The following ANKRD28 variants were observed in gnomAD, a reference collection of about 807,000 sequenced individuals.
ANKRD28 encodes ankyrin repeat domain 28.
In ANKRD28, 44 loss-of-function variants were observed where a neutral mutation model predicts 126.5. The ratio of observed to expected loss-of-function variants is 0.35; its 90% confidence interval spans 0.27 to 0.45. The LOEUF (loss-of-function observed/expected upper bound fraction) is 0.45. ANKRD28 is among the 20% of genes least tolerant of loss of function. The probability of loss-of-function intolerance (pLI) is 1.00; values close to 1 mark genes in which losing one functional copy is unlikely to be tolerated. For synonymous variants in ANKRD28, 442 were observed against 468.5 expected (o/e 0.94, Z 0.73); for missense variants, 1,110 against 1,316.6 (o/e 0.84, Z 2.43).
chr3:15,774,519 A>G (rs1449734073), intron 2 of ANKRD28, among the ~76,000 whole-genome samples: 1 of 152,212 alleles, frequency 6.6e-6, no homozygotes. Flanking sequence ...ACTACCTCAC[A>G]TTATATGTAT....
chr3:15,761,655 G>T (rs1390667192), intron 3 of ANKRD28, among the ~76,000 whole-genome samples: 1 of 152,052 alleles, frequency 6.6e-6, no homozygotes, highest in Non-Finnish European at 1.5e-5. Flanking sequence ...ATTTGGATAC[G>T]ATTAGTCTTT....
intron 14 of ANKRD28, among the ~76,000 whole-genome samples, chr3:15,704,161 G>A (rs1218792844): frequency 1.3e-5 from 2 of 151,954 alleles, no homozygotes; most frequent in Admixed American, 6.6e-5. Context: ...TGTTCATTGC[G>A]ATAGCAGCCA....
intron 2 of ANKRD28, among the ~76,000 whole-genome samples, chr3:15,784,758 T>C (rs1383266648): frequency 6.6e-6 from 1 of 152,040 alleles, no homozygotes; most frequent in Non-Finnish European, 1.5e-5. Flanking sequence ...ATATTGTCTG[T>C]AAAAAACCTT....
chr3:15,859,154 A>G (rs746149419), intron 1 of ANKRD28, among the ~76,000 whole-genome samples: 15 of 152,276 alleles, frequency 9.9e-5, no homozygotes, highest in Non-Finnish European at 2.1e-4. Context: ...TGCAGCGGCT[A>G]GACCCCCGTC....
intron 1 of ANKRD28, among the ~76,000 whole-genome samples, chr3:15,858,258 A>G (rs1436814757): frequency 2.0e-5 from 3 of 152,262 alleles, no homozygotes; most frequent in African/African-American, 7.2e-5. Context: ...TACAAGGTAT[A>G]AACTGTATTG....
At chr3:15,776,930 C>T (rs1245495433) in intron 2 of ANKRD28, among the ~76,000 whole-genome samples, 1 of 152,086 alleles carries the variant, frequency 6.6e-6, no homozygotes, top group Non-Finnish European at 1.5e-5. Context: ...ACAGTCGTTG[C>T]TTTTGTTGGT....
Position 15,690,116 on chromosome 3 carries a change from A to C in ANKRD28, c.1866T>G (p.Phe622Leu), listed in dbSNP as rs765318359. Reference protein sequence around the residue: ...SGRTPLDLAAFKGHVECVDVL... With the variant: ...SGRTPLDLAALKGHVECVDVL... ...CATCCACACATTCAACATGGCCCTTAAAAGCTGCAAGATCTAGGGGTGTTC... is the reference window on the plus strand; with the variant it reads ...CATCCACACATTCAACATGGCCCTTCAAAGCTGCAAGATCTAGGGGTGTTC... The change falls in exon 18 of 28, where the codon TTT becomes TTG. Residue 622 changes from phenylalanine to leucine, a missense_variant. Physicochemically the swap from Phe to Leu is conservative, Grantham distance 22 (BLOSUM62 0). Coordinates refer to ENST00000683139, the MANE Select transcript of ANKRD28 (RefSeq NM_001349278.2). 1 of 1,611,794 alleles carries C rather than the reference A, an allele frequency of 6.2e-7. No individual in the cohort carries two copies. The highest frequency in any genetic ancestry group is 8.5e-7 in the Non-Finnish European group (1 of 1,178,870).
Position 15,812,054 on chromosome 3 carries a change from G to A in ANKRD28, c.28-16748C>T, listed in dbSNP as rs2060724345. 1.3e-5 allele frequency among the ~76,000 whole-genome samples: 2 copies of A among 152,032 alleles called. No individual in the cohort carries two copies. The highest frequency in any genetic ancestry group is 4.8e-5 in the African/African-American group (2 of 41,418). On this transcript the variant is annotated intron_variant, in intron 1 of 27. Coordinates refer to the ANKRD28 transcript ENST00000399451. The surrounding 1 kb of genome is among the most constrained non-coding windows in gnomAD (Gnocchi z 4.1). Reference sequence around the variant, plus strand: ...TGTAGTCCCAGCTACTCAGGAGGCTGAGGTCGGAGAATCGCTTGAACCCAG... The same window carrying A: ...TGTAGTCCCAGCTACTCAGGAGGCTAAGGTCGGAGAATCGCTTGAACCCAG...
chr3:15,812,824 T>A lies in ANKRD28; in HGVS notation c.28-17518A>T, dbSNP rs150734430. ...TTAAAAGGTGATCATGGGTAGGTAA[T>A]CTAGACCCTCCTGAAAAGGCCAGGT... On this transcript the variant is annotated intron_variant, in intron 1 of 27. Transcript: ENST00000399451. The surrounding 1 kb of genome is among the most constrained non-coding windows in gnomAD (Gnocchi z 4.1). 1.3e-3 allele frequency among the ~76,000 whole-genome samples: 204 copies of A among 152,206 alleles called. 1 individual carries two copies. Among genetic ancestry groups the A allele is most frequent in the African/African-American group, 4.8e-3 (200 of 41,518 alleles).
At chr3:15,741,764 A>C (rs988394496) in intron 4 of ANKRD28, among the ~76,000 whole-genome samples, 3 of 132,392 alleles carry the variant, frequency 2.3e-5, no homozygotes, top group African/African-American at 8.7e-5. Context: ...GATTTGAAGG[A>C]AAGCACAGGA....
In ANKRD28 at chr3:15,685,313, G is replaced by T; in HGVS notation, c.2302C>A (p.Leu768Ile). ...ACGHIGVLGALLQSAASMDAN... is the reference protein window; with the variant it reads ...ACGHIGVLGAILQSAASMDAN... Reference sequence around the variant, plus strand: ...TCCATAGATGCTGCTGACTGCAAAAGGGCTCCAAGAACACCAATGTGTCCA... The same window carrying T: ...TCCATAGATGCTGCTGACTGCAAAATGGCTCCAAGAACACCAATGTGTCCA... The change falls in exon 21 of 28, where the codon CTT becomes ATT. Residue 768 changes from leucine (L) to isoleucine (I), a missense_variant. By Grantham distance (5) the Leu-to-Ile change is conservative. Coordinates refer to ENST00000683139, the MANE Select transcript of ANKRD28 (RefSeq NM_001349278.2). The T allele has an allele frequency of 6.2e-7, 1 of 1,613,998 alleles. No homozygotes were observed. Among genetic ancestry groups the T allele is most frequent in the Non-Finnish European group, 8.5e-7 (1 of 1,179,868 alleles).
chr3:15,801,537 T>C (rs2060465811), upstream of ANKRD28, among the ~76,000 whole-genome samples: 1 of 152,162 alleles, frequency 6.6e-6, no homozygotes, highest in Non-Finnish European at 1.5e-5. This position sits in a 1 kb window ranked among gnomAD's most constrained non-coding sequence, Gnocchi z 4.9. Context: ...GTTCAAACAA[T>C]GTTATAGAAA....
chr3:15,691,345 G>C (rs1020977454), intron 17 of ANKRD28, among the ~76,000 whole-genome samples: 10 of 151,908 alleles, frequency 6.6e-5, no homozygotes, highest in Non-Finnish European at 1.0e-4. Flanking sequence ...GGATGGTCTC[G>C]ATCTCTTGAC....
At chr3:15,681,904 T>A (rs1014924504) in intron 21 of ANKRD28, among the ~76,000 whole-genome samples, 2 of 152,186 alleles carry the variant, frequency 1.3e-5, no homozygotes, top group African/African-American at 4.8e-5. Flanking sequence ...GCAACAATCA[T>A]CTGGCCCAAA....
intron 11 of ANKRD28, 111 bp from the exon 12 acceptor site, chr3:15,711,385 T>C: frequency 2.3e-6 from 2 of 864,472 alleles, no homozygotes; most frequent in Non-Finnish European, 1.9e-6. Context: ...AACAAAACTA[T>C]GGGTTCTTAA....
rs375146848 is a variant in ANKRD28 at position 15,669,333 on chromosome 3, T to C, written c.*937A>G. 9 of 152,204 alleles carry C rather than the reference T, an allele frequency of 5.9e-5. No homozygotes were observed. The highest frequency in any genetic ancestry group is 2.2e-4 in the African/African-American group (9 of 41,540). 9.4% of individuals were successfully genotyped at this position (152,204 alleles called of 1,614,324 possible). ...CTAAGGTGTGCCATTCATAGAGAGG[T>C]TGAAGACTCCATGCCCCAGGACCAC... On this transcript the variant is annotated 3_prime_UTR_variant, in exon 28 of 28. Coordinates refer to ENST00000683139, the MANE Select transcript of ANKRD28 (RefSeq NM_001349278.2).
intron 23 of ANKRD28, 69 bp downstream of exon 23, chr3:15,679,232 A>AT: frequency 6.9e-7 from 1 of 1,451,702 alleles, no homozygotes; most frequent in Non-Finnish European, 9.7e-7. Flanking sequence ...AGCCTCCCAG[A>AT]TTGTTAGGAT....
At chr3:15,847,690 C>T (rs1482171604) in intron 1 of ANKRD28, among the ~76,000 whole-genome samples, 2 of 152,222 alleles carry the variant, frequency 1.3e-5, no homozygotes, top group African/African-American at 2.4e-5. Context: ...ATCAATTTTA[C>T]ATCCTAAGTA....
At chr3:15,798,711 C>G (rs2060383644), upstream of ANKRD28, among the ~76,000 whole-genome samples, 1 of 152,140 alleles carries the variant, frequency 6.6e-6, no homozygotes, top group Middle Eastern at 3.4e-3. Flanking sequence ...TACAAATAAT[C>G]TCCCTCCCTA....
Sources: allele counts gnomAD v4.1 joint callset (sites outside exome capture counted in the v4.1 genomes callset), GRCh38; gene constraint gnomAD v4.1.1; non-coding constraint Gnocchi (gnomAD v3.1); transcripts MANE v1.5; gene names NCBI Gene and HGNC (gene_info 2026-07-23, HGNC 2026-07-21).